Variants in TBC1D16 observed in about 807,000 individuals in gnomAD.
TBC1D16 encodes the protein TBC1 domain family member 16.
In TBC1D16, 58 loss-of-function variants were observed where a neutral mutation model predicts 74.7. That is an observed-to-expected ratio of 0.78 (90% confidence interval 0.63 to 0.97). TBC1D16 has a LOEUF of 0.97. TBC1D16 is among the 50% of genes least tolerant of loss of function. TBC1D16 has a pLI of 0.00. For missense variants in TBC1D16, 1,014 were observed against 1,079.5 expected, an observed-to-expected ratio of 0.94 and a Z score of 0.85; for synonymous variants, 493 against 474.7, an observed-to-expected ratio of 1.04 and a Z score of -0.50.
rs971913337 is a variant in TBC1D16, at chr17:80,009,254, C to T, written c.779+906G>A. Among the ~76,000 whole-genome samples the T allele has an allele frequency of 1.3e-5, 2 of 152,252 alleles. No individual in the cohort carries two copies. Among genetic ancestry groups the T allele is most frequent in the African/African-American group, 2.4e-5 (1 of 41,470 alleles). On this transcript the variant is annotated intron_variant, in intron 3 of 11. Coordinates refer to ENST00000310924, the MANE Select transcript of TBC1D16 (RefSeq NM_019020.4). The surrounding 1 kb of genome is among the most constrained non-coding windows in gnomAD (Gnocchi z 5.4). ...CTCTTACTGTTGTCTGTGGTCACCA[C>T]CATTATTTGCCCAGAAATCTAATGA... is the stretch of plus-strand genomic sequence containing the variant.
intron 3 of TBC1D16, among the ~76,000 whole-genome samples, chr17:79,953,215 T>C (rs116908624): frequency 0.024 from 3,619 of 152,224 alleles, 60 homozygotes; most frequent in South Asian, 0.05. Flanking sequence ...CCCTACAGCG[T>C]GGGGCTGGGC....
chr17:80,023,656 G>GGC (rs1555885630), intron 1 of TBC1D16, among the ~76,000 whole-genome samples: 8 of 126,222 alleles, frequency 6.3e-5, no homozygotes, highest in Admixed American at 2.9e-4. Context: ...ACTGCTGCCG[G>GGC]GCCCCCCCCC....
At position 79,983,569 on chromosome 17, in the gene TBC1D16, C is replaced by T. The variant is rs972582251; in HGVS notation, c.779+26591G>A. ...GCTGAGCCACCGACGGCTACAAAGACGGGGACGCTTTCCTAGGGCTCAAAG... is the reference window on the plus strand; with the variant it reads ...GCTGAGCCACCGACGGCTACAAAGATGGGGACGCTTTCCTAGGGCTCAAAG... On this transcript the variant is annotated intron_variant, in intron 3 of 11. Transcript: ENST00000310924. The surrounding 1 kb of genome is among the most constrained non-coding windows in gnomAD (Gnocchi z 5.6). 6.6e-5 allele frequency among the ~76,000 whole-genome samples: 10 copies of T among 152,232 alleles called. No individual in the cohort carries two copies. The highest frequency in any genetic ancestry group is 2.1e-4 in the South Asian group (1 of 4,834).
intron 3 of TBC1D16, among the ~76,000 whole-genome samples, chr17:80,002,979 G>A (rs543938242): frequency 4.8e-4 from 73 of 152,264 alleles, no homozygotes; most frequent in Non-Finnish European, 8.1e-4. Context: ...CAGGGGTCAC[G>A]GAGAAGAAAG....
chr17:79,994,750 C>T lies in TBC1D16; in HGVS notation c.779+15410G>A, dbSNP rs1304577089. Among the ~76,000 whole-genome samples the T allele has an allele frequency of 6.6e-6, 1 of 152,070 alleles. No individual in the cohort carries two copies. The highest frequency in any genetic ancestry group is 2.4e-5 in the African/African-American group (1 of 41,420). Reference sequence around the variant, plus strand: ...AGAATGTTTTTTCAAAAAAGCAGGTCGCCAATCTGTGTAGACTCGTGCTGG... The same window carrying T: ...AGAATGTTTTTTCAAAAAAGCAGGTTGCCAATCTGTGTAGACTCGTGCTGG... On this transcript the variant is annotated intron_variant, in intron 3 of 11. Transcript: ENST00000310924. The surrounding 1 kb of genome is among the most constrained non-coding windows in gnomAD (Gnocchi z 4.6).
At chr17:79,996,597 T>C (rs1357103922) in intron 3 of TBC1D16, among the ~76,000 whole-genome samples, 1 of 152,172 alleles carries the variant, frequency 6.6e-6, no homozygotes, top group Non-Finnish European at 1.5e-5. Flanking sequence ...ACTAAGCACA[T>C]AGGCCGGGAA....
rs2034120250 is a variant in TBC1D16, at chr17:79,971,883, G to C, written c.780-19065C>G. 1.3e-5 allele frequency among the ~76,000 whole-genome samples: 2 copies of C among 152,154 alleles called. No individual in the cohort carries two copies. Among genetic ancestry groups the C allele is most frequent in the African/African-American group, 2.4e-5 (1 of 41,432 alleles). On this transcript the variant is annotated intron_variant, in intron 3 of 11. Coordinates refer to ENST00000310924, the MANE Select transcript of TBC1D16 (RefSeq NM_019020.4). The surrounding 1 kb of genome is among the most constrained non-coding windows in gnomAD (Gnocchi z 4.6). ...AGCAGGTGGCATGGGGGCTGGCTGT[G>C]GGGGTCTTTGTGGGGAAGAAAGAGC...
Position 80,029,405 on chromosome 17 carries a change from T to C in TBC1D16, c.-63+6390A>G, listed in dbSNP as rs2036699140. 2.6e-5 allele frequency among the ~76,000 whole-genome samples: 4 copies of C among 152,174 alleles called. No individual in the cohort carries two copies. The South Asian group carries it at 8.3e-4, about 32-fold the overall frequency. On this transcript the variant is annotated intron_variant, in intron 1 of 11. Transcript: ENST00000310924. ...ACACAGGGCGCAGCTGTGAGCCTGC[T>C]GTTAACCACACATGTTCCCTTCCCG...
intron 3 of TBC1D16, among the ~76,000 whole-genome samples, chr17:79,962,743 G>T (rs1232497364): frequency 1.3e-5 from 2 of 151,074 alleles, no homozygotes; most frequent in Non-Finnish European, 2.9e-5. Context: ...TGACCAGCCT[G>T]ACCAACATGA....
rs1383326554 is a variant in TBC1D16 at position 80,001,482 on chromosome 17, C to T, written c.779+8678G>A. Among the ~76,000 whole-genome samples the T allele has an allele frequency of 3.3e-5, 5 of 152,058 alleles. No homozygotes were observed. The Middle Eastern group carries it at 0.014, about 414-fold the overall frequency. ...CTGGCTTCCCGGCTGCCAGGCTGCG[C>T]TGGGCCCGGAGGGGTGGGCGGGGGT... On this transcript the variant is annotated intron_variant, in intron 3 of 11. Coordinates refer to ENST00000310924, the MANE Select transcript of TBC1D16 (RefSeq NM_019020.4). The surrounding 1 kb of genome is among the most constrained non-coding windows in gnomAD (Gnocchi z 5.8).
chr17:80,006,543 G>T (rs1184712708), intron 3 of TBC1D16, among the ~76,000 whole-genome samples: 1 of 152,170 alleles, frequency 6.6e-6, no homozygotes. Context: ...TCTGCTTCCT[G>T]GGTCTACCAT....
At chr17:79,978,471 G>A (rs1207830292) in intron 3 of TBC1D16, among the ~76,000 whole-genome samples, 3 of 152,198 alleles carry the variant, frequency 2.0e-5, no homozygotes, top group Non-Finnish European at 4.4e-5. Context: ...TGGGGGCCGT[G>A]GCGGGCGGGC....
chr17:79,959,665 G>GA (rs1244296708), intron 3 of TBC1D16, among the ~76,000 whole-genome samples: 1 of 152,086 alleles, frequency 6.6e-6, no homozygotes, highest in Non-Finnish European at 1.5e-5. Flanking sequence ...ATATCTGCAT[G>GA]AAAAAAATTA....
intron 3 of TBC1D16, among the ~76,000 whole-genome samples, chr17:79,959,720 C>T (rs960198499): frequency 1.3e-5 from 2 of 152,090 alleles, no homozygotes; most frequent in South Asian, 2.1e-4. Context: ...TAACTCAAAA[C>T]GGATCACGGA....
chr17:79,951,616 G>C lies in TBC1D16; in HGVS notation c.942-19C>G, dbSNP rs984315217. ...CTCGTCGCTGAAGGGCCATTGGAAG[G>C]GGGAGAGGGAAGCCCGATGAATATG... On this transcript the variant is annotated intron_variant, in intron 4 of 11. Coordinates refer to ENST00000310924, the MANE Select transcript of TBC1D16 (RefSeq NM_019020.4). 5 of 1,609,588 alleles carry C rather than the reference G, an allele frequency of 3.1e-6. No homozygotes were observed. The Admixed American group carries it at 6.7e-5, about 22-fold the overall frequency.
At chr17:80,026,957 C>T (rs2036601328) in intron 1 of TBC1D16, among the ~76,000 whole-genome samples, 1 of 139,482 alleles carries the variant, frequency 7.2e-6, no homozygotes, top group Non-Finnish European at 1.5e-5. Context: ...GAGGCGGGGG[C>T]AGCCAGCAGA....
Position 80,025,562 on chromosome 17 carries a change from C to CCCGCCTGCTGGGAGCAG in TBC1D16, c.-63+10216_-63+10232dup, listed in dbSNP as rs1489248382. ...CAGTCCTGGCACCTGGGCTTCGGGG[C>CCCGCCTGCTGGGAGCAG]CCGCCTGCTGGGAGCAGCCGCCTGC... On this transcript the variant is annotated intron_variant, in intron 1 of 11. Coordinates refer to ENST00000310924, the MANE Select transcript of TBC1D16 (RefSeq NM_019020.4). Among the ~76,000 whole-genome samples, 500 of 148,454 alleles carry CCCGCCTGCTGGGAGCAG rather than the reference C, an allele frequency of 3.4e-3. 4 individuals carry two copies. The highest frequency in any genetic ancestry group is 5.8e-3 in the East Asian group (30 of 5,156).
intron 3 of TBC1D16, among the ~76,000 whole-genome samples, chr17:79,995,513 C>A (rs530508632): frequency 6.6e-6 from 1 of 151,520 alleles, no homozygotes; most frequent in Non-Finnish European, 1.5e-5. Context: ...CGGCCGGGCG[C>A]GGTGGCTCAC....
At chr17:79,970,572 C>T (rs972808989) in intron 3 of TBC1D16, among the ~76,000 whole-genome samples, 2 of 152,196 alleles carry the variant, frequency 1.3e-5, no homozygotes, top group Admixed American at 6.5e-5. Context: ...TCTCAACCTG[C>T]AGACAACGAG....
Sources: allele counts gnomAD v4.1 joint callset (sites outside exome capture counted in the v4.1 genomes callset), GRCh38; gene constraint gnomAD v4.1.1; non-coding constraint Gnocchi (gnomAD v3.1); transcripts MANE v1.5; gene names NCBI Gene and HGNC (gene_info 2026-07-23, HGNC 2026-07-21).